NPSR1: variants seen among roughly 807,000 people sequenced by gnomAD.
NPSR1 encodes neuropeptide S receptor.
A neutral mutation model predicts 46.9 loss-of-function variants in NPSR1; 48 were observed. That is an observed-to-expected ratio of 1.02 (90% confidence interval 0.81 to 1.30). NPSR1 has a LOEUF of 1.30. Ranked by LOEUF, NPSR1 falls within the 50% of genes most tolerant of loss-of-function variation. The probability of loss-of-function intolerance (pLI) is 0.00; values close to 1 mark genes in which losing one functional copy is unlikely to be tolerated. For synonymous variants in NPSR1, 176 were observed against 168.1 expected (o/e 1.05, Z -0.36); for missense variants, 450 against 449.5 (o/e 1.00, Z -0.01).
At chr7:34,713,989 C>A (rs1783428943) in intron 2 of NPSR1, among the ~76,000 whole-genome samples, 1 of 152,226 alleles carries the variant, frequency 6.6e-6, no homozygotes, top group South Asian at 2.1e-4. Context: ...TATTGCCTTT[C>A]ATATTTCTGA....
intron 3 of NPSR1, among the ~76,000 whole-genome samples, chr7:34,781,000 T>G (rs1290506976): frequency 6.6e-6 from 1 of 152,138 alleles, no homozygotes; most frequent in Non-Finnish European, 1.5e-5. Flanking sequence ...AGTAATGAGA[T>G]ATCCATAGGG....
intron 2 of NPSR1, among the ~76,000 whole-genome samples, chr7:34,775,316 T>G (rs1786902742): frequency 6.6e-6 from 1 of 152,162 alleles, no homozygotes; most frequent in Admixed American, 6.6e-5. Flanking sequence ...TGGATGTGTC[T>G]TTGTCTGGTT....
chr7:34,685,797 A>G, intron 2 of NPSR1: 1 of 327,018 alleles, frequency 3.1e-6, no homozygotes, highest in Non-Finnish European at 5.8e-6. Context: ...GCCAGGGTAA[A>G]CATCCAAGGC....
intron 7 of NPSR1, chr7:34,845,527 GC>G: frequency 2.2e-6 from 1 of 454,624 alleles, no homozygotes; most frequent in South Asian, 1.6e-5. Flanking sequence ...CTCCGGTGGT[GC>G]CCCGGCTTAC....
rs1338004274 is a variant in NPSR1 at position 34,848,733 on chromosome 7, T to C, written c.1025+70T>C. The C allele has an allele frequency of 2.2e-6, 3 of 1,385,366 alleles. No homozygotes were observed. In the African/African-American group the frequency reaches 4.3e-5, roughly 20 times the overall value. The allele number at this position is 1,385,366 out of a possible 1,614,324, so 85.8% of individuals were successfully genotyped here. On this transcript the variant is annotated intron_variant, in intron 8 of 8. Coordinates refer to ENST00000360581, the MANE Select transcript of NPSR1 (RefSeq NM_207172.2). The stretch of plus-strand genomic sequence containing the variant: ...CACTGGGATTCTGCCAACATGTGGG[T>C]TTCTCATGTCCAAACTCTCCAGCAG...
intron 2 of NPSR1, among the ~76,000 whole-genome samples, chr7:34,699,317 T>A (rs1244504289): frequency 6.6e-6 from 1 of 152,226 alleles, no homozygotes; most frequent in African/African-American, 2.4e-5. Flanking sequence ...CTGTCTCTAC[T>A]AAAAAATTTT....
chr7:34,851,425 G>A (rs959074576), downstream of NPSR1, among the ~76,000 whole-genome samples: 1 of 151,824 alleles, frequency 6.6e-6, no homozygotes, highest in Non-Finnish European at 1.5e-5. Flanking sequence ...CTGAATTTGA[G>A]GAGCCTGAAT....
At chr7:34,694,750 A>C (rs898971477) in intron 2 of NPSR1, among the ~76,000 whole-genome samples, 1 of 152,156 alleles carries the variant, frequency 6.6e-6, no homozygotes, top group African/African-American at 2.4e-5. Context: ...TCGCTCTGTC[A>C]CCAGGCTGGA....
intron 2 of NPSR1, among the ~76,000 whole-genome samples, chr7:34,738,755 T>C (rs1004795282): frequency 7.9e-5 from 12 of 152,202 alleles, no homozygotes; most frequent in African/African-American, 2.9e-4. Flanking sequence ...GTAAAATTTA[T>C]ATAACATATC....
chr7:34,763,842 C>T (rs2128730153), intron 2 of NPSR1, among the ~76,000 whole-genome samples: 1 of 152,324 alleles, frequency 6.6e-6, no homozygotes, highest in African/African-American at 2.4e-5. Flanking sequence ...ACTAACTAAA[C>T]TCCCATGACT....
chr7:34,864,534 G>A (rs1791265885), intron 8 of NPSR1, among the ~76,000 whole-genome samples: 1 of 151,714 alleles, frequency 6.6e-6, no homozygotes, highest in Non-Finnish European at 1.5e-5. Context: ...CCCCAAAGGA[G>A]TTGAAGTCCA....
chr7:34,681,830 A>C (rs923864339), intron 1 of NPSR1, among the ~76,000 whole-genome samples: 36 of 152,078 alleles, frequency 2.4e-4, no homozygotes, highest in African/African-American at 8.7e-4. Flanking sequence ...AGAGAGAGAG[A>C]GAGAGAGTAA....
chr7:34,724,791 GTATC>G (rs1194330626), intron 2 of NPSR1, among the ~76,000 whole-genome samples: 1 of 152,160 alleles, frequency 6.6e-6, no homozygotes, highest in African/African-American at 2.4e-5. Context: ...GCTTAGCATA[GTATC>G]TAGGTTACAG....
At chr7:34,868,670 C>T (rs1311887446) in intron 8 of NPSR1, among the ~76,000 whole-genome samples, 1 of 151,646 alleles carries the variant, frequency 6.6e-6, no homozygotes, top group East Asian at 1.9e-4. Flanking sequence ...GACAAACCTT[C>T]TCCTCAAAAT....
At chr7:34,763,367 A>C (rs1786267408) in intron 2 of NPSR1, among the ~76,000 whole-genome samples, 1 of 152,222 alleles carries the variant, frequency 6.6e-6, no homozygotes, top group Non-Finnish European at 1.5e-5. Context: ...CCAATCAAGC[A>C]ACAGCAGTAA....
At chr7:34,803,117 T>C (rs1002033039) in intron 3 of NPSR1, among the ~76,000 whole-genome samples, 27 of 151,010 alleles carry the variant, frequency 1.8e-4, no homozygotes, top group Non-Finnish European at 3.4e-4. Flanking sequence ...ACACTGTTGG[T>C]GGGACTGTAA....
intron 8 of NPSR1, among the ~76,000 whole-genome samples, chr7:34,863,127 G>A (rs1791227651): frequency 6.6e-6 from 1 of 151,754 alleles, no homozygotes; most frequent in Non-Finnish European, 1.5e-5. Flanking sequence ...AACAAGCAAT[G>A]GGAAAAGATT....
intron 1 of NPSR1, among the ~76,000 whole-genome samples, chr7:34,665,807 CGCAT>C (rs1791719112): frequency 6.6e-6 from 1 of 151,960 alleles, no homozygotes; most frequent in African/African-American, 2.4e-5. Context: ...CACACACACA[CGCAT>C]ACACACACAC....
chr7:34,849,356 T>C, intron 8 of NPSR1: 2 of 1,551,672 alleles, frequency 1.3e-6, no homozygotes, highest in Non-Finnish European at 1.7e-6. Context: ...TGGCCTGTGA[T>C]GTCTCTGTCC....
Sources: gnomAD v4.1 joint callset for allele counts (sites outside exome capture counted in the v4.1 genomes callset) on GRCh38, gnomAD v4.1.1 for gene constraint, MANE v1.5 for transcripts, NCBI Gene and HGNC (gene_info 2026-07-23, HGNC 2026-07-21) for gene names.